Variants in GPHN observed in about 807,000 individuals in gnomAD.
GPHN encodes gephyrin.
Under a neutral mutation model 95.5 loss-of-function variants are expected in GPHN, and 17 were observed. The observed-to-expected ratio is 0.18, with a 90% CI of 0.12 to 0.27. The LOEUF (loss-of-function observed/expected upper bound fraction) is 0.27, where lower values mean the gene tolerates loss of function less well. Ranked by LOEUF, GPHN falls within the 10% of genes least tolerant of loss-of-function variation. The pLI is 1.00. For missense variants in GPHN, 660 were observed against 978.1 expected (o/e 0.67, Z 4.34); for synonymous variants, 320 against 322.5 (o/e 0.99, Z 0.08).
chr14:66,661,226 GC>G, intron 1 of GPHN, among the ~76,000 whole-genome samples: 2 of 152,280 alleles, frequency 1.3e-5, no homozygotes, highest in Middle Eastern at 3.4e-3. Flanking sequence ...ATTTCAGCCA[GC>G]CCCCAGCAAC....
At chr14:67,654,346 T>C in the GPHN span, among the ~76,000 whole-genome samples, 1 of 147,092 alleles carries the variant, frequency 6.8e-6, no homozygotes, top group Non-Finnish European at 1.5e-5. Flanking sequence ...TCTCGCTATG[T>C]TGCCCAGGCT....
At chr14:67,702,810 T>G in the GPHN span, among the ~76,000 whole-genome samples, 1 of 152,046 alleles carries the variant, frequency 6.6e-6, no homozygotes, top group Non-Finnish European at 1.5e-5. Context: ...ATCTTATACC[T>G]TTATTTTTTG....
At chr14:66,622,992 A>G (rs995538629) in intron 1 of GPHN, among the ~76,000 whole-genome samples, 3 of 152,182 alleles carry the variant, frequency 2.0e-5, no homozygotes, top group South Asian at 4.2e-4. Flanking sequence ...ACTGGTACCA[A>G]TTTACTGTAT....
chr14:67,540,528 A>C, the GPHN span, among the ~76,000 whole-genome samples: 1 of 151,866 alleles, frequency 6.6e-6, no homozygotes, highest in Non-Finnish European at 1.5e-5. Flanking sequence ...CAGGAGGCTG[A>C]GGCATGAGAA....
intron 1 of GPHN, among the ~76,000 whole-genome samples, chr14:66,565,192 T>C (rs2060411549): frequency 6.6e-6 from 1 of 152,104 alleles, no homozygotes; most frequent in Non-Finnish European, 1.5e-5. Flanking sequence ...GGATTTTGTT[T>C]TGTAGGAGAG....
chr14:67,498,928 C>G, the GPHN span, among the ~76,000 whole-genome samples: 1 of 152,144 alleles, frequency 6.6e-6, no homozygotes, highest in African/African-American at 2.4e-5. Context: ...CTTGGCCTCC[C>G]AAAATGCTGG....
the GPHN span, among the ~76,000 whole-genome samples, chr14:67,250,191 C>T: frequency 6.6e-6 from 1 of 152,162 alleles, no homozygotes; most frequent in East Asian, 1.9e-4. Context: ...TTCAGCCACC[C>T]ACTCTTCCTT....
At chr14:67,587,289 A>G in the GPHN span, 7 of 1,596,778 alleles carry the variant, frequency 4.4e-6, no homozygotes, top group African/African-American at 1.3e-5. Flanking sequence ...ATTTAGAGAT[A>G]TATATCCTAG....
chr14:67,469,880 C>T, the GPHN span, among the ~76,000 whole-genome samples: 9 of 152,164 alleles, frequency 5.9e-5, no homozygotes, highest in African/African-American at 2.2e-4. Flanking sequence ...CTGCTTGGTC[C>T]CTCCTGCCTC....
intron 12 of GPHN, among the ~76,000 whole-genome samples, chr14:67,092,591 T>C (rs2077188459): frequency 6.6e-6 from 1 of 152,092 alleles, no homozygotes; most frequent in African/African-American, 2.4e-5. Context: ...AGTTGGAGGA[T>C]CACTTGCTTT....
At chr14:67,362,267 G>A in the GPHN span, among the ~76,000 whole-genome samples, 7 of 151,946 alleles carry the variant, frequency 4.6e-5, no homozygotes, top group African/African-American at 1.4e-4. Context: ...TGATCCACCC[G>A]CCTCGGCCTC....
At chr14:66,947,424 T>C (rs901476098) in intron 8 of GPHN, among the ~76,000 whole-genome samples, 2 of 152,218 alleles carry the variant, frequency 1.3e-5, no homozygotes, top group Non-Finnish European at 2.9e-5. Flanking sequence ...ACTTAATTTA[T>C]CTCTAGAACT....
At chr14:67,320,194 A>G in the GPHN span, 1 of 1,590,022 alleles carries the variant, frequency 6.3e-7, no homozygotes, top group Non-Finnish European at 8.5e-7. Context: ...CATGGCCATA[A>G]TTTTGTTTGA....
rs567804443 is a variant in GPHN at position 66,938,420 on chromosome 14, A to G, written c.828+14128A>G. Among the ~76,000 whole-genome samples, 47 of 152,308 alleles carry G rather than the reference A, an allele frequency of 3.1e-4. 1 individual carries two copies. In the South Asian group the frequency reaches 9.7e-3, roughly 32 times the overall value. ...AACCAGTGTCAATACTACTCCAAAC[A>G]AATAGGAAAAGAAATTTCCTTCTGT... On this transcript the variant is annotated intron_variant, in intron 8 of 22. Transcript: ENST00000478722.
In GPHN at chr14:67,168,804, G is replaced by A. The variant is rs1410852454; in HGVS notation, c.1976-129G>A. 3 of 718,378 alleles carry A rather than the reference G, an allele frequency of 4.2e-6. No homozygotes were observed. In the South Asian group the frequency reaches 4.5e-5, roughly 11 times the overall value. The allele number at this position is 718,378 out of a possible 1,614,324, so 44.5% of individuals were successfully genotyped here. On this transcript the variant is annotated intron_variant, in intron 20 of 22. Coordinates refer to ENST00000478722, the MANE Select transcript of GPHN (RefSeq NM_020806.5). ...CCTCTGTTCTGGTTGGATTCAAGGT[G>A]ATTCAGAAGAGGAAAAATAGTGCCT...
the GPHN span, among the ~76,000 whole-genome samples, chr14:67,519,826 G>A: frequency 3.9e-5 from 6 of 151,990 alleles, no homozygotes; most frequent in East Asian, 9.7e-4. Context: ...AGGCTCAAGC[G>A]ATTCTCCTGC....
the GPHN span, among the ~76,000 whole-genome samples, chr14:67,269,418 G>A: frequency 6.6e-6 from 1 of 152,060 alleles, no homozygotes; most frequent in Non-Finnish European, 1.5e-5. Flanking sequence ...GTAACCCTAT[G>A]TTTAGCCTTT....
chr14:67,277,600 GAAA>G, the GPHN span, among the ~76,000 whole-genome samples: 6 of 144,990 alleles, frequency 4.1e-5, no homozygotes, highest in African/African-American at 1.5e-4. Flanking sequence ...GCTCTTGAGT[GAAA>G]AAAAAAAGGC....
intron 2 of GPHN, among the ~76,000 whole-genome samples, chr14:66,727,236 G>T (rs767437416): frequency 6.6e-6 from 1 of 151,976 alleles, no homozygotes; most frequent in Non-Finnish European, 1.5e-5. Context: ...CCCCAGCCAC[G>T]TGGAACTCTT....
Sources: gnomAD v4.1 joint callset for allele counts (sites outside exome capture counted in the v4.1 genomes callset) on GRCh38, gnomAD v4.1.1 for gene constraint, MANE v1.5 for transcripts, NCBI Gene and HGNC (gene_info 2026-07-23, HGNC 2026-07-21) for gene names.